The following FDFT1 variants were observed in gnomAD, a reference collection of about 807,000 sequenced individuals.
FDFT1 encodes the protein squalene synthase.
In FDFT1, 68 loss-of-function variants were observed where a neutral mutation model predicts 46.8. The observed-to-expected ratio is 1.45, with a 90% CI of 1.19 to 1.78. The LOEUF (loss-of-function observed/expected upper bound fraction) is 1.78. Ranked by LOEUF, FDFT1 falls within the 40% of genes most tolerant of loss-of-function variation. FDFT1 has a pLI of 0.00. For missense variants in FDFT1, 928 were observed against 524.4 expected, an observed-to-expected ratio of 1.77 and a Z score of -7.52; for synonymous variants, 351 against 185.1, an observed-to-expected ratio of 1.90 and a Z score of -7.28.
At chr8:11,830,537 A>G (rs1206379041) in intron 6 of FDFT1, 117 bp downstream of exon 6, 4 of 728,274 alleles carry the variant, frequency 5.5e-6, no homozygotes, top group Non-Finnish European at 9.2e-6. Flanking sequence ...CGATGACTCC[A>G]GTTTATTACG....
At chr8:11,835,883 C>G (rs1215235735) in intron 7 of FDFT1, among the ~76,000 whole-genome samples, 1 of 145,022 alleles carries the variant, frequency 6.9e-6, no homozygotes, top group Non-Finnish European at 1.5e-5. Context: ...CCTCTAATCT[C>G]AGCACTTTGG....
intron 5 of FDFT1, among the ~76,000 whole-genome samples, chr8:11,829,365 G>A (rs1401069067): frequency 2.0e-5 from 3 of 152,064 alleles, no homozygotes; most frequent in East Asian, 1.9e-4. Context: ...TCATCAAGCC[G>A]AATCCCACTG....
chr8:11,835,015 TC>T (rs1811346855), intron 7 of FDFT1, among the ~76,000 whole-genome samples: 1 of 152,078 alleles, frequency 6.6e-6, no homozygotes, highest in African/African-American at 2.4e-5. Context: ...TCCCAGCTAT[TC>T]CGGAGCCTGA....
At chr8:11,820,699 G>A (rs956948130) in intron 3 of FDFT1, among the ~76,000 whole-genome samples, 6 of 152,218 alleles carry the variant, frequency 3.9e-5, no homozygotes, top group African/African-American at 1.4e-4. Context: ...GCAATCACCT[G>A]CTCTGCCAGT....
chr8:11,822,025 A>T, intron 4 of FDFT1, 147 bp downstream of exon 4: 1 of 943,370 alleles, frequency 1.1e-6, no homozygotes. Context: ...GTCTCATCAT[A>T]AACAGTTTAT....
At chr8:11,808,293 T>C (rs1161030610) in intron 1 of FDFT1, 97 of 1,224,074 alleles carry the variant, frequency 7.9e-5, no homozygotes, top group Non-Finnish European at 9.8e-5. Context: ...GTGCGCTGGG[T>C]TCCCTTAGCG....
intron 5 of FDFT1, among the ~76,000 whole-genome samples, chr8:11,829,597 T>A (rs1810490521): frequency 6.6e-6 from 1 of 152,114 alleles, no homozygotes; most frequent in African/African-American, 2.4e-5. Context: ...ATTGGGTTAT[T>A]TTTTTCAGAA....
chr8:11,829,670 C>A (rs535846301), intron 5 of FDFT1, among the ~76,000 whole-genome samples: 2 of 152,146 alleles, frequency 1.3e-5, no homozygotes, highest in East Asian at 1.9e-4. Context: ...TGCAGTGTTG[C>A]ACTAGTTGTC....
At chr8:11,811,954 A>G (rs143233030) in intron 3 of FDFT1, among the ~76,000 whole-genome samples, 7 of 152,348 alleles carry the variant, frequency 4.6e-5, no homozygotes, top group Non-Finnish European at 1.0e-4. Context: ...ATGTGCTGAT[A>G]TAGCTCAGTA....
Position 11,809,842 on chromosome 8 carries a change from T to C in FDFT1, c.373T>C (p.Phe125Leu). The C allele has an allele frequency of 6.2e-7, 1 of 1,612,426 alleles. No individual in the cohort carries two copies. Among genetic ancestry groups the C allele is most frequent in the Non-Finnish European group, 8.5e-7 (1 of 1,178,978 alleles). ...GAAGGATCGCCAGGTGCTGGAGGAC[T>C]TCCCAACGGTGAGTGGGGTTACGCA... Reference protein sequence around the residue: ...KEKDRQVLEDFPTISLEFRNL... With the variant: ...KEKDRQVLEDLPTISLEFRNL... Residue 125 changes from phenylalanine (F) to leucine (L), a missense_variant, in exon 3 of 8, where the codon TTC (phenylalanine) becomes CTC (leucine). Physicochemically the swap from Phe to Leu is conservative, Grantham distance 22. Coordinates refer to ENST00000220584, the MANE Select transcript of FDFT1 (RefSeq NM_004462.5).
chr8:11,830,548 C>G, intron 6 of FDFT1, 128 bp downstream of exon 6: 2 of 682,128 alleles, frequency 2.9e-6, no homozygotes, highest in Non-Finnish European at 5.0e-6. Flanking sequence ...GTTTATTACG[C>G]TGGGAGTTTC....
chr8:11,810,214 T>C (rs117688375), intron 3 of FDFT1, among the ~76,000 whole-genome samples: 1,691 of 152,344 alleles, frequency 0.011, 48 homozygotes, highest in Admixed American at 0.056. Context: ...GGAAGTCCAG[T>C]GTTTCTTCCT....
At chr8:11,818,495 T>TA (rs890338721) in intron 3 of FDFT1, among the ~76,000 whole-genome samples, 1 of 152,212 alleles carries the variant, frequency 6.6e-6, no homozygotes, top group Non-Finnish European at 1.5e-5. Context: ...TGAGAGACTT[T>TA]AAGTCTTTTT....
At chr8:11,806,036 C>G (rs1178819569) in intron 1 of FDFT1, among the ~76,000 whole-genome samples, 2 of 152,090 alleles carry the variant, frequency 1.3e-5, no homozygotes, top group African/African-American at 4.8e-5. Context: ...TTTTTCCCCT[C>G]CTGGAGAAAT....
At chr8:11,803,494 G>C (rs1281381681) in intron 1 of FDFT1, 2 of 1,234,932 alleles carry the variant, frequency 1.6e-6, no homozygotes, top group Non-Finnish European at 1.0e-6. Context: ...TAACGTCTAT[G>C]GATTAGCTAG....
At chr8:11,816,984 A>T (rs181745038) in intron 3 of FDFT1, among the ~76,000 whole-genome samples, 5 of 152,322 alleles carry the variant, frequency 3.3e-5, no homozygotes, top group Non-Finnish European at 7.4e-5. Context: ...TTGCCCATTC[A>T]GTATGATATT....
intron 5 of FDFT1, among the ~76,000 whole-genome samples, chr8:11,827,661 C>G (rs1000210513): frequency 6.6e-6 from 1 of 152,006 alleles, no homozygotes; most frequent in Admixed American, 6.5e-5. Flanking sequence ...GAGATAAGAA[C>G]AAGATAGTTC....
rs1369696757 is a variant in FDFT1, at chr8:11,820,489, CTGCG to C, written c.382-1260_382-1257del. 5.9e-5 allele frequency among the ~76,000 whole-genome samples: 5 copies of C among 84,088 alleles called. No homozygotes were observed. The Admixed American group carries it at 6.7e-4, about 11-fold the overall frequency. The allele number at this position is 84,088 out of a possible 152,430, so 55.2% of individuals were successfully genotyped here. On this transcript the variant is annotated intron_variant, in intron 3 of 7. Transcript: ENST00000220584. ...TAGAGAGGCAGTAGGCCTTGCTGAG[CTGCG>C]GTGGGCTCCACCCAGTTCAAGCTTC...
chr8:11,816,406 A>C (rs1012069000), intron 3 of FDFT1, among the ~76,000 whole-genome samples: 1 of 152,214 alleles, frequency 6.6e-6, no homozygotes, highest in African/African-American at 2.4e-5. Context: ...TCTGTGAAGA[A>C]AGTCATTGGT....
Sources: gnomAD v4.1 joint callset for allele counts (sites outside exome capture counted in the v4.1 genomes callset) on GRCh38, gnomAD v4.1.1 for gene constraint, MANE v1.5 for transcripts, NCBI Gene and HGNC (gene_info 2026-07-23, HGNC 2026-07-21) for gene names.